Variants in ZNF185 observed in about 807,000 individuals in gnomAD.
ZNF185 encodes zinc finger protein 185 with LIM domain.
Under a neutral mutation model 58.6 loss-of-function variants are expected in ZNF185, and 56 were observed. That is an observed-to-expected ratio of 0.95 (90% CI 0.77 to 1.19). ZNF185 has a LOEUF of 1.19. Among genes scored for constraint, ZNF185 ranks in the 50% most tolerant of loss-of-function variants. The probability of loss-of-function intolerance (pLI) is 0.00; values close to 1 mark genes in which losing one functional copy is unlikely to be tolerated. For synonymous variants in ZNF185, 230 were observed against 215.9 expected (o/e 1.07, Z -0.57); for missense variants, 627 against 573.5 (o/e 1.09, Z -0.95).
chrX:152,920,350 C>A lies in ZNF185; in HGVS notation c.553C>A (p.Leu185Met), dbSNP rs1556868827. The A allele has an allele frequency of 1.7e-6, 2 of 1,210,973 alleles. No individual in the cohort carries two copies. Among genetic ancestry groups the A allele is most frequent in the Middle Eastern group, 2.4e-4 (1 of 4,233 alleles). The stretch of plus-strand genomic sequence containing the variant: ...CAGGTCAGAGGCTGCAAGCGGTGTT[C>A]TGAGGAGGACAGCTCCCCGGGAGCA... The change falls in exon 8 of 23, where the codon CTG (leucine) becomes ATG (methionine). Residue 185 changes from leucine to methionine, a missense_variant. Transcript: ENST00000449285.
intron 16 of ZNF185, among the ~76,000 whole-genome samples, chrX:152,953,983 C>G (rs1364361492): frequency 9.0e-6 from 1 of 111,690 alleles, no homozygotes; most frequent in East Asian, 2.8e-4. Flanking sequence ...CCAAGTGATT[C>G]ACCCGCCTTG....
At chrX:152,903,117 G>A in the ZNF185 span, among the ~76,000 whole-genome samples, 1 of 110,508 alleles carries the variant, frequency 9.0e-6, no homozygotes, top group South Asian at 3.8e-4. Flanking sequence ...GGCCGAGTGC[G>A]GTGGCTCACG....
the ZNF185 span, among the ~76,000 whole-genome samples, chrX:152,905,943 G>A: frequency 8.9e-6 from 1 of 112,487 alleles, no homozygotes; most frequent in East Asian, 2.8e-4. Context: ...GGGCAGCCTG[G>A]AGCCTTGGGT....
intron 15 of ZNF185, among the ~76,000 whole-genome samples, chrX:152,939,121 G>A (rs782411257): frequency 2.1e-4 from 24 of 111,942 alleles, no homozygotes; most frequent in Non-Finnish European, 4.5e-4. Context: ...TAAGCCAAAG[G>A]GGAGTCTCAT....
At chrX:152,904,740 CTG>C in the ZNF185 span, among the ~76,000 whole-genome samples, 11 of 111,908 alleles carry the variant, frequency 9.8e-5, no homozygotes, top group East Asian at 2.3e-3. Context: ...CAGGGGGAGT[CTG>C]TGCCACAGCC....
chrX:152,938,089 A>T (rs1556884082), exon 15 of ZNF185: 3 of 1,179,666 alleles, frequency 2.5e-6, no homozygotes, highest in Non-Finnish European at 3.4e-6. Context: ...GTGCCACTTC[A>T]GTCTCTGCTG....
chrX:152,925,265 C>T (rs2125403383), intron 11 of ZNF185, among the ~76,000 whole-genome samples: 1 of 111,541 alleles, frequency 9.0e-6, no homozygotes, highest in African/African-American at 3.3e-5. Flanking sequence ...GTGACCGCAC[C>T]CTTACACTCT....
chrX:152,920,113 G>A (rs1434365726), intron 7 of ZNF185, among the ~76,000 whole-genome samples: 1 of 113,254 alleles, frequency 8.8e-6, no homozygotes, highest in Non-Finnish European at 1.9e-5. Context: ...GCGCAGAGCC[G>A]GGCACATGCC....
rs1316982689 is a variant in ZNF185 at position 152,960,452 on chromosome X, C to G, written c.1607+556C>G. On this transcript the variant is annotated intron_variant, in intron 17 of 22. Transcript: ENST00000449285. ...GAATTTTCTGAGAGAGACCAAGAAC[C>G]AAGGAACAGCCAGGTACTAGGGAAC... is the stretch of plus-strand genomic sequence containing the variant. Among the ~76,000 whole-genome samples the G allele has an allele frequency of 3.6e-5, 4 of 112,053 alleles. 1 individual carries two copies. Among genetic ancestry groups the G allele is most frequent in the Middle Eastern group, 9.3e-3 (2 of 216 alleles).
the ZNF185 span, among the ~76,000 whole-genome samples, chrX:152,907,015 T>A: frequency 3.6e-5 from 4 of 110,885 alleles, no homozygotes; most frequent in Admixed American, 3.8e-4. Flanking sequence ...GCCATCCTAA[T>A]CCCCTGCGAG....
intron 19 of ZNF185, 45 bp from the exon 22 acceptor site, chrX:152,967,122 T>G (rs782047272): frequency 2.9e-5 from 33 of 1,124,530 alleles, no homozygotes; most frequent in Non-Finnish European, 4.0e-5. Flanking sequence ...GATAGTGATT[T>G]GGCTCTCATC....
Position 152,922,260 on chromosome X carries a change from AT to A in ZNF185, c.740+5del. ...GATCCACTCCTGGCTCAAACAGGTA[AT>A]CCATTGCGCTCATCTCTGCCTGGGG... On this transcript the variant is annotated splice_donor_5th_base_variant and intron_variant, in intron 10 of 22. Transcript: ENST00000449285. The A allele has an allele frequency of 8.5e-7, 1 of 1,173,462 alleles. No homozygotes were observed. Among genetic ancestry groups the A allele is most frequent in the East Asian group, 3.2e-5 (1 of 31,525 alleles).
chrX:152,904,255 A>G, the ZNF185 span, among the ~76,000 whole-genome samples: 1,651 of 112,160 alleles, frequency 0.015, 31 homozygotes, highest in African/African-American at 0.051. Flanking sequence ...GCAGCAGACT[A>G]GGAGGCTCAG....
the ZNF185 span, among the ~76,000 whole-genome samples, chrX:152,905,258 C>G: frequency 8.9e-6 from 1 of 112,868 alleles, no homozygotes; most frequent in Non-Finnish European, 1.9e-5. Flanking sequence ...CCATCTGGCT[C>G]AGGGCTGCAG....
chrX:152,934,224 A>C (rs147994357), intron 14 of ZNF185, among the ~76,000 whole-genome samples: 175 of 112,665 alleles, frequency 1.6e-3, no homozygotes, highest in African/African-American at 5.2e-3. Flanking sequence ...CCTGCATGGC[A>C]GAATCTTTGG....
chrX:152,914,440 C>T (rs782408633), upstream of ZNF185: 4 of 1,111,127 alleles, frequency 3.6e-6, no homozygotes, highest in Non-Finnish European at 4.8e-6. Flanking sequence ...TACCTTTATC[C>T]CCAGAAGCCC....
chrX:152,970,688 C>T lies in ZNF185; in HGVS notation c.*147C>T, dbSNP rs2050590846. Reference sequence around the variant, plus strand: ...TTCAGGGGGCCTTGTGTCCTCATGTCCCTATGCCTTGTGATACTTTGAGAT... The same window carrying T: ...TTCAGGGGGCCTTGTGTCCTCATGTTCCTATGCCTTGTGATACTTTGAGAT... On this transcript the variant is annotated intron_variant, in intron 22 of 22. Coordinates refer to ENST00000449285, the Ensembl canonical transcript of ZNF185. The T allele has an allele frequency of 8.1e-5, 36 of 444,619 alleles. No individual in the cohort carries two copies. The South Asian group carries it at 1.6e-3, about 19-fold the overall frequency. 36.6% of individuals were successfully genotyped at this position (444,619 alleles called of 1,213,427 possible).
rs1279813805 is a variant in ZNF185, at chrX:152,920,863, T to A, written c.656+115T>A. 7 of 904,696 alleles carry A rather than the reference T, an allele frequency of 7.7e-6. No individual in the cohort carries two copies. The African/African-American group carries it at 1.4e-4, about 18-fold the overall frequency. 74.6% of individuals were successfully genotyped at this position (904,696 alleles called of 1,213,427 possible). Reference sequence around the variant, plus strand: ...AGGGGATGTGGATGTGGGGGACTACTGTCCCTGAGCAGGGGGAGTTGTGAG... The same window carrying A: ...AGGGGATGTGGATGTGGGGGACTACAGTCCCTGAGCAGGGGGAGTTGTGAG... On this transcript the variant is annotated intron_variant, in intron 9 of 22. Coordinates refer to ENST00000449285, the Ensembl canonical transcript of ZNF185.
chrX:152,949,536 T>TG (rs2048098706), intron 16 of ZNF185, among the ~76,000 whole-genome samples: 1 of 111,926 alleles, frequency 8.9e-6, no homozygotes, highest in African/African-American at 3.3e-5. Context: ...TGGCACCTGA[T>TG]GGGCAGCATT....
Sources: allele counts gnomAD v4.1 joint callset (sites outside exome capture counted in the v4.1 genomes callset), GRCh38; gene constraint gnomAD v4.1.1; transcripts MANE v1.5; gene names NCBI Gene and HGNC (gene_info 2026-07-23, HGNC 2026-07-21).